The following RIMBP2 variants were observed in gnomAD, a reference collection of about 807,000 sequenced individuals.
The protein encoded by RIMBP2 is RIMS binding protein 2.
In RIMBP2, 48 loss-of-function variants were observed where a neutral mutation model predicts 118.6. The observed-to-expected ratio is 0.40, with a 90% CI of 0.32 to 0.51. The LOEUF (loss-of-function observed/expected upper bound fraction) is 0.51, where lower values mean the gene tolerates loss of function less well. RIMBP2 is among the 20% of genes least tolerant of loss of function. RIMBP2 has a pLI of 0.41. For synonymous variants in RIMBP2, 762 were observed against 742.9 expected, an observed-to-expected ratio of 1.03 and a Z score of -0.42; for missense variants, 1,551 against 1,768.3, an observed-to-expected ratio of 0.88 and a Z score of 2.20.
intron 1 of RIMBP2, among the ~76,000 whole-genome samples, chr12:130,647,394 A>ATGCAGTGACTTAGAGACCCAG (rs1594139326): frequency 4.4e-5 from 5 of 113,420 alleles, no homozygotes; most frequent in Admixed American, 8.9e-5. Flanking sequence ...AGGTAATAGC[A>ATGCAGTGACTTAGAGACCCAG]GCTTAAAACA....
At position 130,620,908 on chromosome 12, in the gene RIMBP2, G is replaced by T. The variant is rs1444143595; in HGVS notation, c.-217+7414C>A. Among the ~76,000 whole-genome samples the T allele has an allele frequency of 1.3e-5, 2 of 152,154 alleles. No individual in the cohort carries two copies. Among genetic ancestry groups the T allele is most frequent in the African/African-American group, 4.8e-5 (2 of 41,426 alleles). On this transcript the variant is annotated intron_variant, in intron 2 of 22. Coordinates refer to ENST00000690449, the MANE Select transcript of RIMBP2 (RefSeq NM_001393629.1). This position sits in a 1 kb window ranked among gnomAD's most constrained non-coding sequence, Gnocchi z 5.3. ...GCAGTCAACCACCCCACCCAGCAGT[G>T]GTGAGCACCTGGAACCTGCAGACCT...
At chr12:130,513,324 A>G (rs1396137227) in intron 3 of RIMBP2, among the ~76,000 whole-genome samples, 2 of 152,234 alleles carry the variant, frequency 1.3e-5, no homozygotes, top group African/African-American at 4.8e-5. Flanking sequence ...CTCTAAAAAA[A>G]TCTCATAAGA....
Position 130,581,491 on chromosome 12 carries a change from T to A in RIMBP2, c.-217+46831A>T, listed in dbSNP as rs1396853443. Among the ~76,000 whole-genome samples the A allele has an allele frequency of 6.6e-6, 1 of 152,184 alleles. No homozygotes were observed. The highest frequency in any genetic ancestry group is 2.4e-5 in the African/African-American group (1 of 41,440). On this transcript the variant is annotated intron_variant, in intron 2 of 22. Coordinates refer to ENST00000690449, the MANE Select transcript of RIMBP2 (RefSeq NM_001393629.1). This position sits in a 1 kb window ranked among gnomAD's most constrained non-coding sequence, Gnocchi z 4.4. ...TGTCCCAGTGGAGGTCTCAGAGGCA[T>A]CATAAGAGCATCCAGAATGAAGCCG...
intron 6 of RIMBP2, among the ~76,000 whole-genome samples, chr12:130,459,418 G>A (rs889838456): frequency 1.3e-5 from 2 of 152,148 alleles, no homozygotes; most frequent in African/African-American, 4.8e-5. Flanking sequence ...CCACCACCGG[G>A]AAGCAGGAAG....
chr12:130,580,440 T>A (rs1593888574), intron 2 of RIMBP2, among the ~76,000 whole-genome samples: 1 of 152,288 alleles, frequency 6.6e-6, no homozygotes, highest in East Asian at 1.9e-4. Flanking sequence ...GTAAGATGTG[T>A]CTTCCCTCCC....
At chr12:130,500,868 G>A (rs1342218664) in intron 4 of RIMBP2, among the ~76,000 whole-genome samples, 3 of 149,960 alleles carry the variant, frequency 2.0e-5, no homozygotes, top group Admixed American at 1.3e-4. Flanking sequence ...TGAGCTTCAT[G>A]CTTTAACCCA....
intron 6 of RIMBP2, among the ~76,000 whole-genome samples, chr12:130,467,940 T>G (rs1010769510): frequency 1.3e-5 from 2 of 152,156 alleles, no homozygotes; most frequent in African/African-American, 2.4e-5. Flanking sequence ...GCTCAGGCAT[T>G]TTATGTAACA....
At chr12:130,464,882 G>A (rs73152979) in intron 6 of RIMBP2, 7,563 of 152,314 alleles carry the variant, frequency 0.05, 294 homozygotes, top group Middle Eastern at 0.11. Context: ...CCTGCAGGCC[G>A]AGCAGGCCCA....
In RIMBP2 at chr12:130,424,167, G is replaced by C; in HGVS notation, c.3104C>G (p.Pro1035Arg). The C allele has an allele frequency of 1.6e-6, 2 of 1,232,142 alleles. No homozygotes were observed. The highest frequency in any genetic ancestry group is 2.0e-6 in the Non-Finnish European group (2 of 987,986). 76.3% of individuals were successfully genotyped at this position (1,232,142 alleles called of 1,614,324 possible). A position where few individuals can be genotyped will look rare whatever the true frequency, so the allele number is the denominator to read the frequency against. The change falls in exon 16 of 23, where the codon CCT (proline) becomes CGT (arginine). Residue 1035 changes from proline (P) to arginine (R), a missense_variant. By Grantham distance (103) the Pro-to-Arg change is moderately radical. Transcript: ENST00000690449. The surrounding 1 kb of genome is among the most constrained non-coding windows in gnomAD (Gnocchi z 9.8). ...SRAAAPHAKP[P>R]PRVAQGPLIL... Reference sequence around the variant, plus strand: ...CAGGGGGCCTTGTGCGACTCTGGGAGGTGGCTTTGCGTGGGGGGCAGCTGC... The same window carrying C: ...CAGGGGGCCTTGTGCGACTCTGGGACGTGGCTTTGCGTGGGGGGCAGCTGC...
intron 9 of RIMBP2, among the ~76,000 whole-genome samples, chr12:130,449,019 G>C (rs2078772916): frequency 1.3e-5 from 2 of 152,220 alleles, no homozygotes; most frequent in South Asian, 4.1e-4. Context: ...GATCTAGTGA[G>C]GGTGGCAACT....
At chr12:130,484,791 C>A (rs1349028045) in intron 4 of RIMBP2, among the ~76,000 whole-genome samples, 1 of 152,236 alleles carries the variant, frequency 6.6e-6, no homozygotes, top group African/African-American at 2.4e-5. Context: ...CCAGCAAAAG[C>A]CATTAAAGAG....
intron 1 of RIMBP2, among the ~76,000 whole-genome samples, chr12:130,662,105 A>C (rs1306825812): frequency 1.3e-5 from 2 of 151,770 alleles, no homozygotes; most frequent in Non-Finnish European, 2.9e-5. Context: ...TGCCCTGAGC[A>C]CTCCCTCCCA....
At chr12:130,660,491 A>T (rs11061065) in intron 1 of RIMBP2, 45,076 of 150,778 alleles carry the variant, frequency 0.3, 7,126 homozygotes, top group Middle Eastern at 0.36. Context: ...GGAGACAGGC[A>T]TGGCCTGAAA....
chr12:130,485,205 G>A (rs984505091), intron 4 of RIMBP2, among the ~76,000 whole-genome samples: 19 of 152,216 alleles, frequency 1.2e-4, no homozygotes, highest in Non-Finnish European at 2.2e-4. Flanking sequence ...GTGAGAAATC[G>A]GAATGTGGCT....
At chr12:130,634,760 G>GCTCT (rs2062239882) in intron 1 of RIMBP2, among the ~76,000 whole-genome samples, 1 of 151,804 alleles carries the variant, frequency 6.6e-6, no homozygotes, top group Non-Finnish European at 1.5e-5. Flanking sequence ...CCTGGCTAAT[G>GCTCT]AAAAAATATA....
At position 130,563,812 on chromosome 12, in the gene RIMBP2, C is replaced by T. The variant is rs370936730; in HGVS notation, c.-216-45895G>A. On this transcript the variant is annotated intron_variant, in intron 2 of 22. Coordinates refer to ENST00000690449, the MANE Select transcript of RIMBP2 (RefSeq NM_001393629.1). Reference sequence around the variant, plus strand: ...CTCTCCACCAACCCAGCAGCTAGAGCGATCCTTTTGAAATGTAAGTCAGCT... The same window carrying T: ...CTCTCCACCAACCCAGCAGCTAGAGTGATCCTTTTGAAATGTAAGTCAGCT... Among the ~76,000 whole-genome samples the T allele has an allele frequency of 2.1e-3, 324 of 152,294 alleles. 1 individual carries two copies. The highest frequency in any genetic ancestry group is 3.7e-3 in the Non-Finnish European group (252 of 68,028).
chr12:130,645,495 C>G (rs1249091551), intron 1 of RIMBP2, among the ~76,000 whole-genome samples: 1 of 152,224 alleles, frequency 6.6e-6, no homozygotes, highest in Non-Finnish European at 1.5e-5. Flanking sequence ...CCAGCCAGCA[C>G]CTTCCACCCC....
chr12:130,698,788 C>T (rs1246169790), intron 1 of RIMBP2, among the ~76,000 whole-genome samples: 5 of 152,122 alleles, frequency 3.3e-5, no homozygotes, highest in Non-Finnish European at 7.3e-5. Flanking sequence ...TCAGAGTGAA[C>T]AGGCAACCTA....
At chr12:130,454,678 T>C (rs10773783) in intron 7 of RIMBP2, among the ~76,000 whole-genome samples, 69,244 of 152,212 alleles carry the variant, frequency 0.45, 16,039 homozygotes, top group African/African-American at 0.47. Flanking sequence ...AGTAAAGGCA[T>C]GGTACCACTT....
Sources: gnomAD v4.1 joint callset for allele counts (sites outside exome capture counted in the v4.1 genomes callset) on GRCh38, gnomAD v4.1.1 for gene constraint, Gnocchi (gnomAD v3.1) non-coding constraint, MANE v1.5 for transcripts, NCBI Gene and HGNC (gene_info 2026-07-23, HGNC 2026-07-21) for gene names.